EPHA7: variants seen among roughly 807,000 people sequenced by gnomAD.
EPHA7 encodes ephrin type-A receptor 7.
A neutral mutation model predicts 112.6 loss-of-function variants in EPHA7; 25 were observed. That is an observed-to-expected ratio of 0.22 (90% CI 0.16 to 0.31). The LOEUF (loss-of-function observed/expected upper bound fraction) is 0.31, where lower values mean the gene tolerates loss of function less well. Ranked by LOEUF, EPHA7 falls within the 10% of genes least tolerant of loss-of-function variation. The pLI, the probability that EPHA7 is intolerant of heterozygous loss-of-function variation, is 1.00. For synonymous variants in EPHA7, 437 were observed against 406.5 expected (o/e 1.07, Z -0.90); for missense variants, 962 against 1,212.6 (o/e 0.79, Z 3.07).
chr6:93,271,103 C>A (rs985820969), intron 6 of EPHA7, among the ~76,000 whole-genome samples: 1 of 151,556 alleles, frequency 6.6e-6, no homozygotes, highest in African/African-American at 2.4e-5. Flanking sequence ...ACAGATATAC[C>A]AAAACCAGCA....
chr6:93,289,640 A>T (rs1772255453), intron 5 of EPHA7, among the ~76,000 whole-genome samples: 1 of 149,960 alleles, frequency 6.7e-6, no homozygotes, highest in South Asian at 2.1e-4. Flanking sequence ...ATAAAAAAAT[A>T]AAAAAATAAG....
intron 3 of EPHA7, among the ~76,000 whole-genome samples, chr6:93,402,215 T>C (rs1346031772): frequency 6.6e-6 from 1 of 152,048 alleles, no homozygotes; most frequent in East Asian, 1.9e-4. Flanking sequence ...GTTCTTTCTA[T>C]CCTTCTTTAT....
intron 9 of EPHA7, among the ~76,000 whole-genome samples, chr6:93,261,016 A>G (rs1770665155): frequency 6.6e-6 from 1 of 151,712 alleles, no homozygotes; most frequent in African/African-American, 2.4e-5. Context: ...ATTGGAGGTA[A>G]CCTTCTGCAT....
At chr6:93,315,939 T>C (rs779067543) in intron 5 of EPHA7, among the ~76,000 whole-genome samples, 1 of 152,174 alleles carries the variant, frequency 6.6e-6, no homozygotes, top group Non-Finnish European at 1.5e-5. Flanking sequence ...CCCTAAACTA[T>C]ATAGATGGAA....
At position 93,285,531 on chromosome 6, in the gene EPHA7, A is replaced by T. The variant is rs968699143; in HGVS notation, c.1325-13109T>A. Among the ~76,000 whole-genome samples, 385 of 152,288 alleles carry T rather than the reference A, an allele frequency of 2.5e-3. 5 individuals carry two copies. The highest frequency in any genetic ancestry group is 5.8e-4 in the East Asian group (3 of 5,188). ...TATTGTAAATTTGCACAGATAAGAA[A>T]TCGAAAACAATTCTGTTTTAATATT... On this transcript the variant is annotated intron_variant, in intron 5 of 16. Transcript: ENST00000369303.
At chr6:93,407,186 T>C (rs1417427684) in intron 3 of EPHA7, among the ~76,000 whole-genome samples, 1 of 152,020 alleles carries the variant, frequency 6.6e-6, no homozygotes, top group Non-Finnish European at 1.5e-5. Context: ...ATATTTCATA[T>C]TGTCTTCTAG....
chr6:93,275,672 A>T (rs1292020855), intron 5 of EPHA7, among the ~76,000 whole-genome samples: 1 of 152,034 alleles, frequency 6.6e-6, no homozygotes, highest in Non-Finnish European at 1.5e-5. Context: ...CAGCATAAAA[A>T]CAAAATTGAT....
intron 3 of EPHA7, among the ~76,000 whole-genome samples, chr6:93,390,310 T>G (rs1004228878): frequency 2.0e-5 from 3 of 150,792 alleles, no homozygotes; most frequent in African/African-American, 7.3e-5. Flanking sequence ...AAAACAAATA[T>G]GAAATACTTA....
At position 93,358,355 on chromosome 6, in the gene EPHA7, G is replaced by T; in HGVS notation, c.889C>A (p.Pro297Thr). ...TCTTTATCAGAAAAACTGTGAGTTG[G>T]ACAACGAGAGCACTGAAGATCTTGA... ...SSQDLQCSRC[P>T]THSFSDKEGS... Residue 297 changes from proline to threonine, a missense_variant, in exon 4 of 17, where the codon CCA becomes ACA. Around this residue, in one of 3 missense-constraint regions of EPHA7, gnomAD observed 746 missense variants for 889.2 expected, o/e 0.84. Transcript: ENST00000369303. 6.2e-7 allele frequency: 1 copy of T among 1,612,900 alleles called. No homozygotes were observed. The highest frequency in any genetic ancestry group is 8.5e-7 in the Non-Finnish European group (1 of 1,179,366).
intron 5 of EPHA7, among the ~76,000 whole-genome samples, chr6:93,355,167 C>T (rs941680448): frequency 6.6e-6 from 1 of 151,942 alleles, no homozygotes; most frequent in Non-Finnish European, 1.5e-5. Flanking sequence ...ATAGGTAAGT[C>T]CAGGTAATTA....
chr6:93,337,563 A>G (rs1562106349), intron 5 of EPHA7, among the ~76,000 whole-genome samples: 1 of 152,112 alleles, frequency 6.6e-6, no homozygotes. Flanking sequence ...TTTAAAAGAA[A>G]CTCACTCAGA....
intron 5 of EPHA7, among the ~76,000 whole-genome samples, chr6:93,341,338 T>C (rs1156240564): frequency 6.6e-6 from 1 of 151,828 alleles, no homozygotes; most frequent in East Asian, 1.9e-4. Flanking sequence ...CACAAGATCA[T>C]AAAATAAGAC....
At chr6:93,354,939 G>A (rs1326470435) in intron 5 of EPHA7, among the ~76,000 whole-genome samples, 1 of 152,094 alleles carries the variant, frequency 6.6e-6, no homozygotes, top group Admixed American at 6.6e-5. Context: ...ATAAAAGAAT[G>A]TCATTCTAAC....
intron 8 of EPHA7, 70 bp downstream of exon 8, chr6:93,264,524 T>G: frequency 1.0e-6 from 1 of 963,344 alleles, no homozygotes; most frequent in Non-Finnish European, 1.6e-6. Flanking sequence ...TTACACTAAG[T>G]AATAGGCTGA....
chr6:93,395,431 G>A (rs934177872), intron 3 of EPHA7, among the ~76,000 whole-genome samples: 1 of 151,790 alleles, frequency 6.6e-6, no homozygotes, highest in Non-Finnish European at 1.5e-5. Flanking sequence ...TTGTTCTGCA[G>A]CACAGTCAAG....
chr6:93,262,489 A>G (rs563801527), intron 9 of EPHA7, among the ~76,000 whole-genome samples: 1 of 151,448 alleles, frequency 6.6e-6, no homozygotes, highest in South Asian at 2.1e-4. Flanking sequence ...AGAATACATG[A>G]TTATATACAT....
At chr6:93,279,768 C>T (rs1476661650) in intron 5 of EPHA7, among the ~76,000 whole-genome samples, 5 of 152,066 alleles carry the variant, frequency 3.3e-5, no homozygotes, top group African/African-American at 4.8e-5. Context: ...GCTCAGCTGA[C>T]GTTTTTTTCT....
intron 10 of EPHA7, 48 bp from the exon 11 acceptor site, chr6:93,258,332 A>AGAG (rs768218880): frequency 3.4e-6 from 5 of 1,477,496 alleles, no homozygotes; most frequent in Non-Finnish European, 3.6e-6. Context: ...AAATATTGTA[A>AGAG]TTTTCTTTTA....
chr6:93,391,783 G>GA (rs1034139244), intron 3 of EPHA7, among the ~76,000 whole-genome samples: 8 of 151,144 alleles, frequency 5.3e-5, no homozygotes, highest in African/African-American at 1.5e-4. Flanking sequence ...ACAGGCAACA[G>GA]AAAAAAAATA....
Sources: gnomAD v4.1 joint callset for allele counts (sites outside exome capture counted in the v4.1 genomes callset) on GRCh38, gnomAD v4.1.1 for gene constraint, gnomAD v4.1.1 regional missense constraint, MANE v1.5 for transcripts, NCBI Gene and HGNC (gene_info 2026-07-23, HGNC 2026-07-21) for gene names.